TBC1D24: variants seen among roughly 807,000 people sequenced by gnomAD.
TBC1D24 encodes the protein Infantile myoclonic epilepsy.
Under a neutral mutation model 50.7 loss-of-function variants are expected in TBC1D24, and 47 were observed. The ratio of observed to expected loss-of-function variants is 0.93; its 90% CI spans 0.73 to 1.18. TBC1D24 has a LOEUF of 1.18. Among genes scored for constraint, TBC1D24 ranks in the 50% most tolerant of loss-of-function variants. The probability of loss-of-function intolerance (pLI) is 0.00; values close to 1 mark genes in which losing one functional copy is unlikely to be tolerated. For synonymous variants in TBC1D24, 324 were observed against 335.2 expected, an observed-to-expected ratio of 0.97 and a Z score of 0.36; for missense variants, 688 against 766.5, an observed-to-expected ratio of 0.90 and a Z score of 1.21.
At chr16:2,490,149 C>T (rs920846803) in intron 1 of TBC1D24, among the ~76,000 whole-genome samples, 6 of 152,230 alleles carry the variant, frequency 3.9e-5, no homozygotes, top group East Asian at 3.8e-4. Context: ...TCCAGACCCA[C>T]GGTGTGGACC....
At chr16:2,492,598 C>T (rs554996178) in intron 1 of TBC1D24, among the ~76,000 whole-genome samples, 5 of 152,242 alleles carry the variant, frequency 3.3e-5, no homozygotes, top group South Asian at 2.1e-4. Flanking sequence ...TGTGGATAAC[C>T]GACCGACACG....
intron 1 of TBC1D24, among the ~76,000 whole-genome samples, chr16:2,494,863 G>A (rs944106360): frequency 6.6e-6 from 1 of 151,980 alleles, no homozygotes; most frequent in African/African-American, 2.4e-5. Context: ...TTAAGTGGAA[G>A]CCCTTCTAAT....
At position 2,475,434 on chromosome 16, in the gene TBC1D24, G is replaced by T. The variant is rs1023291618; in HGVS notation, c.-116+264G>T. Among the ~76,000 whole-genome samples the T allele has an allele frequency of 6.6e-6, 1 of 151,090 alleles. No homozygotes were observed. Among genetic ancestry groups the T allele is most frequent in the Non-Finnish European group, 1.5e-5 (1 of 67,944 alleles). ...GGGCGCGAGGCCCGATCCCCGCCCG[G>T]TCGCTGGCCCGCGGCCCGGCCCAGG... On this transcript the variant is annotated intron_variant, in intron 1 of 7. Coordinates refer to ENST00000646147, the MANE Select transcript of TBC1D24 (RefSeq NM_001199107.2). This position sits in a 1 kb window ranked among gnomAD's most constrained non-coding sequence, Gnocchi z 4.2.
intron 1 of TBC1D24, among the ~76,000 whole-genome samples, chr16:2,495,771 T>TC (rs1163808224): frequency 6.6e-6 from 1 of 150,720 alleles, no homozygotes; most frequent in Non-Finnish European, 1.5e-5. Flanking sequence ...AGGGTGAGAC[T>TC]CCATCTCAAA....
chr16:2,479,605 A>T (rs745500875), intron 1 of TBC1D24: 2 of 152,318 alleles, frequency 1.3e-5, no homozygotes, highest in Non-Finnish European at 2.9e-5. Flanking sequence ...AGGCCGGGGA[A>T]AGGCTGTGCT....
At position 2,496,586 on chromosome 16, in the gene TBC1D24, C is replaced by T. The variant is rs776944981; in HGVS notation, c.438C>T (p.Ile146=). The part of the protein sequence containing the change: ...AVVALLLHYS[I]DEAECFEKAC... ...TGGCCCTGCTGCTGCACTACAGCAT[C>T]GACGAGGCCGAGTGCTTCGAGAAGG... is the stretch of plus-strand genomic sequence containing the variant. Residue 146 remains isoleucine (I), a synonymous_variant, in exon 2 of 8, where the codon ATC becomes ATT. Coordinates refer to ENST00000646147, the MANE Select transcript of TBC1D24 (RefSeq NM_001199107.2). 1.7e-5 allele frequency: 28 copies of T among 1,609,428 alleles called. No homozygotes were observed. The highest frequency in any genetic ancestry group is 2.0e-5 in the Non-Finnish European group (24 of 1,180,000).
Position 2,496,669 on chromosome 16 carries a change from T to C in TBC1D24, c.521T>C (p.Leu174Pro). ...AGGAGGCTGATCGACCAGAGCTTCCTGGCCTTTGAGTCGTCCTGCATGACG... is the reference window on the plus strand; with the variant it reads ...AGGAGGCTGATCGACCAGAGCTTCCCGGCCTTTGAGTCGTCCTGCATGACG... The part of the protein sequence containing the change: ...PGRRLIDQSF[L>P]AFESSCMTFG... The change falls in exon 2 of 8, where the codon CTG (leucine) becomes CCG (proline). Residue 174 changes from leucine (L) to proline (P), a missense_variant. By Grantham distance (98) the Leu-to-Pro change is moderately conservative. Transcript: ENST00000646147. 1.2e-6 allele frequency: 2 copies of C among 1,613,208 alleles called. No homozygotes were observed. The highest frequency in any genetic ancestry group is 1.7e-6 in the Non-Finnish European group (2 of 1,180,030).
Position 2,504,542 on chromosome 16 carries a change from C to T in TBC1D24, c.*3584C>T, listed in dbSNP as rs2065820082. ...CACGCCATTCTCCTGCCTCAGCCTC[C>T]TGAGTAGCTGGGACTACAGGCACCT... On this transcript the variant is annotated 3_prime_UTR_variant, in exon 8 of 8. Transcript: ENST00000646147. 1 of 151,870 alleles carries T rather than the reference C, an allele frequency of 6.6e-6. No individual in the cohort carries two copies. The highest frequency in any genetic ancestry group is 1.5e-5 in the Non-Finnish European group (1 of 68,024). 9.4% of individuals were successfully genotyped at this position (151,870 alleles called of 1,614,324 possible).
At chr16:2,478,790 T>C (rs182528039) in intron 1 of TBC1D24, 1 of 151,920 alleles carries the variant, frequency 6.6e-6, no homozygotes, top group Non-Finnish European at 1.5e-5. Flanking sequence ...TGGAGTGCAG[T>C]GTCAGGATCA....
At chr16:2,497,636 C>A in intron 2 of TBC1D24, 74 bp from the exon 3 acceptor site, 1 of 1,429,126 alleles carries the variant, frequency 7.0e-7, no homozygotes, top group Non-Finnish European at 9.5e-7. Flanking sequence ...GTCGGGGGAT[C>A]GGTACTCACA....
rs559696514 is a variant in TBC1D24 at position 2,504,479 on chromosome 16, C to A, written c.*3521C>A. On this transcript the variant is annotated 3_prime_UTR_variant, in exon 8 of 8. Coordinates refer to ENST00000646147, the MANE Select transcript of TBC1D24 (RefSeq NM_001199107.2). ...TGTCGCCCAGGCTGGAGTGCAGTGG[C>A]GCGATCTCGGCTCACCGCAAGCCCC... 3 of 138,546 alleles carry A rather than the reference C, an allele frequency of 2.2e-5. No individual in the cohort carries two copies. The highest frequency in any genetic ancestry group is 2.8e-5 in the African/African-American group (1 of 35,540). The allele number at this position is 138,546 out of a possible 1,614,324, so 8.6% of individuals were successfully genotyped here. A position where few individuals can be genotyped will look rare whatever the true frequency, so the allele number is the denominator to read the frequency against.
chr16:2,494,901 G>A (rs1268914089), intron 1 of TBC1D24, among the ~76,000 whole-genome samples: 1 of 152,014 alleles, frequency 6.6e-6, no homozygotes, highest in African/African-American at 2.4e-5. Flanking sequence ...GGCAAATAAT[G>A]TGGCTGCGCA....
chr16:2,496,076 G>C lies in TBC1D24; in HGVS notation c.-73G>C. ...AGGTTTGCAGGAAACCCTCAGAAAG[G>C]GGGCTGGAGGATTTAGCCACTCTGT... is the stretch of plus-strand genomic sequence containing the variant. On this transcript the variant is annotated 5_prime_UTR_variant, in exon 2 of 8. Transcript: ENST00000646147. 6.3e-7 allele frequency: 1 copy of C among 1,590,326 alleles called. No individual in the cohort carries two copies. The highest frequency in any genetic ancestry group is 8.6e-7 in the Non-Finnish European group (1 of 1,165,840).
intron 1 of TBC1D24, chr16:2,477,700 T>C (rs2065579603): frequency 6.6e-6 from 1 of 151,664 alleles, no homozygotes; most frequent in Non-Finnish European, 1.5e-5. Context: ...GACAGGAGAA[T>C]AAACACATGG....
At position 2,487,282 on chromosome 16, in the gene TBC1D24, G is replaced by A. The variant is rs897404878; in HGVS notation, c.-115-8752G>A. Among the ~76,000 whole-genome samples, 1 of 152,152 alleles carries A rather than the reference G, an allele frequency of 6.6e-6. No individual in the cohort carries two copies. Among genetic ancestry groups the A allele is most frequent in the Non-Finnish European group, 1.5e-5 (1 of 68,032 alleles). On this transcript the variant is annotated intron_variant, in intron 1 of 7. Coordinates refer to ENST00000646147, the MANE Select transcript of TBC1D24 (RefSeq NM_001199107.2). The surrounding 1 kb of genome is among the most constrained non-coding windows in gnomAD (Gnocchi z 4.1). ...GTGGTTGACAGCCTTCTCTCAAGCCGCCTCTCCCTGGCACAGAGGCGGCAC... is the reference window on the plus strand; with the variant it reads ...GTGGTTGACAGCCTTCTCTCAAGCCACCTCTCCCTGGCACAGAGGCGGCAC...
chr16:2,501,689 C>G lies in TBC1D24; in HGVS notation c.*731C>G, dbSNP rs979841405. On this transcript the variant is annotated 3_prime_UTR_variant, in exon 8 of 8. Coordinates refer to ENST00000646147, the MANE Select transcript of TBC1D24 (RefSeq NM_001199107.2). ...GGGTGGGAGCTGGAGGGGGATGTCA[C>G]ATGTCCTTGTGTTTCTGCAGAGCCT... 1 of 152,674 alleles carries G rather than the reference C, an allele frequency of 6.5e-6. No homozygotes were observed. The highest frequency in any genetic ancestry group is 1.5e-5 in the Non-Finnish European group (1 of 68,348). 9.5% of individuals were successfully genotyped at this position (152,674 alleles called of 1,614,324 possible). A position where few individuals can be genotyped will look rare whatever the true frequency, so the allele number is the denominator to read the frequency against.
In TBC1D24 at chr16:2,496,526, C is replaced by T. The variant is rs765624033; in HGVS notation, c.378C>T (p.Pro126=). 2.0e-5 allele frequency: 32 copies of T among 1,608,678 alleles called. No homozygotes were observed. The highest frequency in any genetic ancestry group is 6.7e-5 in the East Asian group (3 of 44,896). Residue 126 remains proline, a synonymous_variant, in exon 2 of 8, where the codon CCC becomes CCT. Transcript: ENST00000646147. The stretch of plus-strand genomic sequence containing the variant: ...TCCTGTGCCTGGCCAACCAGTTCCC[C>T]GACATCTCCTTCTGCCCCGCCCTGC... The part of the protein sequence containing the change: ...KILLCLANQF[P]DISFCPALPA...
At chr16:2,492,908 C>T (rs2065707157) in intron 1 of TBC1D24, among the ~76,000 whole-genome samples, 1 of 151,852 alleles carries the variant, frequency 6.6e-6, no homozygotes, top group Non-Finnish European at 1.5e-5. Flanking sequence ...GCCTGACCAA[C>T]ATGGACAATC....
At position 2,496,568 on chromosome 16, in the gene TBC1D24, G is replaced by T; in HGVS notation, c.420G>T (p.Leu140=). 6.2e-7 allele frequency: 1 copy of T among 1,608,958 alleles called. No homozygotes were observed. The highest frequency in any genetic ancestry group is 1.3e-5 in the African/African-American group (1 of 75,060). The stretch of plus-strand genomic sequence containing the variant: ...CCGCCCTGCCGGCCGTGGTGGCCCT[G>T]CTGCTGCACTACAGCATCGACGAGG... ...FCPALPAVVA[L]LLHYSIDEAE... The change falls in exon 2 of 8, where the codon CTG becomes CTT. Residue 140 remains leucine, a synonymous_variant. Coordinates refer to ENST00000646147, the MANE Select transcript of TBC1D24 (RefSeq NM_001199107.2).
Sources: allele counts gnomAD v4.1 joint callset (sites outside exome capture counted in the v4.1 genomes callset), GRCh38; gene constraint gnomAD v4.1.1; non-coding constraint Gnocchi (gnomAD v3.1); transcripts MANE v1.5; gene names NCBI Gene and HGNC (gene_info 2026-07-23, HGNC 2026-07-21).